The following GNPDA1 variants were observed in gnomAD, a reference collection of about 807,000 sequenced individuals.
GNPDA1 encodes the protein glucosamine-6-phosphate deaminase 1.
Under a neutral mutation model 28.5 loss-of-function variants are expected in GNPDA1, and 24 were observed. The observed-to-expected ratio is 0.84, with a 90% confidence interval of 0.61 to 1.19. The LOEUF (loss-of-function observed/expected upper bound fraction) is 1.19. Ranked by LOEUF, GNPDA1 falls within the 50% of genes most tolerant of loss-of-function variation. GNPDA1 has a pLI of 0.00. For synonymous variants in GNPDA1, 147 were observed against 139.3 expected, an observed-to-expected ratio of 1.06 and a Z score of -0.39; for missense variants, 264 against 367.3, an observed-to-expected ratio of 0.72 and a Z score of 2.30.
chr5:142,006,021 C>T (rs1596735530), intron 4 of GNPDA1, 123 bp downstream of exon 4: 2 of 759,150 alleles, frequency 2.6e-6, no homozygotes, highest in East Asian at 5.1e-5. Context: ...CCCATTTCTC[C>T]CGCCTCTGTC....
rs114348941 is a variant in GNPDA1, at chr5:142,005,630, A to G, written c.409+514T>C. On this transcript the variant is annotated intron_variant, in intron 4 of 6. Transcript: ENST00000311337. ...TAGAAGAGTGATCTCTAGAGCAATA[A>G]AAGGCAGTTCAATGTTACCCCTCAT... 3.5e-3 allele frequency among the ~76,000 whole-genome samples: 528 copies of G among 152,220 alleles called. 2 individuals are homozygous for G. The highest frequency in any genetic ancestry group is 0.012 in the African/African-American group (500 of 41,522).
Position 142,011,989 on chromosome 5 carries a change from G to T in GNPDA1, c.47C>A (p.Ala16Glu). The T allele has an allele frequency of 6.2e-7, 1 of 1,612,326 alleles. No individual in the cohort carries two copies. Among genetic ancestry groups the T allele is most frequent in the African/African-American group, 1.3e-5 (1 of 74,988 alleles). ...LEHYSQASEW[A>E]AKYIRNRIIQ... is the part of the protein sequence containing the mutation. ...GATGCGGTTCCTGATGTATTTAGCC[G>T]CCCACTCGCTCGCCTGAGAATAGTG... Residue 16 changes from alanine (A) to glutamate (E), a missense_variant, in exon 2 of 7, where the codon GCG becomes GAG. Physicochemically the swap from Ala to Glu is moderately radical, Grantham distance 107. Coordinates refer to ENST00000311337, the MANE Select transcript of GNPDA1 (RefSeq NM_005471.5).
At position 142,001,179 on chromosome 5, in the gene GNPDA1, G is replaced by A. The variant is rs1444156209; in HGVS notation, c.*850C>T. 1.3e-5 allele frequency: 2 copies of A among 152,332 alleles called. No individual in the cohort carries two copies. Among genetic ancestry groups the A allele is most frequent in the Non-Finnish European group, 2.9e-5 (2 of 68,058 alleles). The allele number at this position is 152,332 out of a possible 1,614,324, so 9.4% of individuals were successfully genotyped here. A position where few individuals can be genotyped will look rare whatever the true frequency, so the allele number is the denominator to read the frequency against. On this transcript the variant is annotated 3_prime_UTR_variant, in exon 7 of 7. Transcript: ENST00000311337. ...AGCTGCCTGCCCAGACCGTCCCCTT[G>A]GCTGAACACAACACTGAAATTGTGG...
rs529977171 is a variant in GNPDA1 at position 142,006,378 on chromosome 5, TC to T, written c.227-53del. ...TGCCTAGGCCAAGCCAAAGCCCCTC[TC>T]CTAAGAAGGATGCCAGGACACCATG... On this transcript the variant is annotated intron_variant, in intron 3 of 6. Transcript: ENST00000311337. The T allele has an allele frequency of 8.8e-3, 12,138 of 1,377,150 alleles. 88 individuals are homozygous for T. The highest frequency in any genetic ancestry group is 0.011 in the Non-Finnish European group (10,994 of 978,636). 85.3% of individuals were successfully genotyped at this position (1,377,150 alleles called of 1,614,324 possible). A position where few individuals can be genotyped will look rare whatever the true frequency, so the allele number is the denominator to read the frequency against.
chr5:142,004,903 G>T (rs368357115), intron 5 of GNPDA1, 29 bp downstream of exon 5: 30 of 1,471,716 alleles, frequency 2.0e-5, no homozygotes, highest in Non-Finnish European at 2.5e-5. Flanking sequence ...GTCCACCAGC[G>T]CAAGCTGGTG....
chr5:142,007,786 GAGAA>G lies in GNPDA1; in HGVS notation c.226+9_226+12del. 2.0e-6 allele frequency: 3 copies of G among 1,483,310 alleles called. No homozygotes were observed. The highest frequency in any genetic ancestry group is 1.4e-5 in the African/African-American group (1 of 72,454). The allele number at this position is 1,483,310 out of a possible 1,614,324, so 91.9% of individuals were successfully genotyped here. On this transcript the variant is annotated intron_variant, in intron 3 of 6. Coordinates refer to ENST00000311337, the MANE Select transcript of GNPDA1 (RefSeq NM_005471.5). ...CTAGAATCAGGAAAGAACCTTGAAA[GAGAA>G]AGACTCACCCACGTACTCATCCATG...
rs781182628 is a variant in GNPDA1, at chr5:142,007,878, G to A, written c.147C>T (p.Tyr49=). The change falls in exon 3 of 7, where the codon TAC becomes TAT. Residue 49 remains tyrosine (Y), a synonymous_variant. Coordinates refer to ENST00000311337, the MANE Select transcript of GNPDA1 (RefSeq NM_005471.5). Reference sequence around the variant, plus strand: ...TCTTATAGTATTCAATCAGCTTCTTGTAGCAGCCAAGTGGGGTACTCCCTG... The same window carrying A: ...TCTTATAGTATTCAATCAGCTTCTTATAGCAGCCAAGTGGGGTACTCCCTG... ...LPTGSTPLGC[Y]KKLIEYYKNG... is the part of the protein sequence containing the mutation. The A allele has an allele frequency of 2.5e-6, 4 of 1,611,512 alleles. No homozygotes were observed. Among genetic ancestry groups the A allele is most frequent in the Middle Eastern group, 1.7e-4 (1 of 6,058 alleles).
Position 142,003,317 on chromosome 5 carries a change from C to A in GNPDA1, c.595-55G>T. 1 of 1,199,904 alleles carries A rather than the reference C, an allele frequency of 8.3e-7. No individual in the cohort carries two copies. Among genetic ancestry groups the A allele is most frequent in the Non-Finnish European group, 1.2e-6 (1 of 823,362 alleles). The allele number at this position is 1,199,904 out of a possible 1,614,324, so 74.3% of individuals were successfully genotyped here. On this transcript the variant is annotated intron_variant, in intron 5 of 6. Coordinates refer to ENST00000311337, the MANE Select transcript of GNPDA1 (RefSeq NM_005471.5). This position sits in a 1 kb window ranked among gnomAD's most constrained non-coding sequence, Gnocchi z 4.0. ...AGGGGAGCATTCCAGACACCCTAAA[C>A]AGTTGTAAGGATGATTGTTTTTCAT...
chr5:142,004,956 C>A lies in GNPDA1; in HGVS notation c.570G>T (p.Val190=). Reference sequence around the variant, plus strand: ...CCTCTCTAGCATCCATGACAGTGCCCACCCCCACCGTCAAGGCCATGGTGG... The same window carrying A: ...CCTCTCTAGCATCCATGACAGTGCCAACCCCCACCGTCAAGGCCATGGTGG... The part of the protein sequence containing the change: ...KVPTMALTVG[V]GTVMDAREVM... Residue 190 remains valine (V), a synonymous_variant, in exon 5 of 7, where the codon GTG becomes GTT. Coordinates refer to ENST00000311337, the MANE Select transcript of GNPDA1 (RefSeq NM_005471.5). 1 of 1,608,202 alleles carries A rather than the reference C, an allele frequency of 6.2e-7. No homozygotes were observed. Among genetic ancestry groups the A allele is most frequent in the Middle Eastern group, 1.7e-4 (1 of 6,042 alleles).
At chr5:142,012,255 G>C in intron 1 of GNPDA1, 1 of 428,162 alleles carries the variant, frequency 2.3e-6, no homozygotes, top group Non-Finnish European at 4.3e-6. Flanking sequence ...ACTGGGGGCA[G>C]ATCTGGGTTC....
chr5:142,011,234 CA>C (rs35952167), intron 2 of GNPDA1, among the ~76,000 whole-genome samples: 58,760 of 115,416 alleles, frequency 0.51, 12,254 homozygotes, highest in African/African-American at 0.55. Context: ...CAAGGAAGAC[CA>C]AAAAAAAAAA....
intron 2 of GNPDA1, among the ~76,000 whole-genome samples, chr5:142,009,009 A>G (rs1755874067): frequency 6.6e-6 from 1 of 152,150 alleles, no homozygotes; most frequent in African/African-American, 2.4e-5. Flanking sequence ...GGATTTAGAG[A>G]TAAGTGTCAG....
intron 2 of GNPDA1, among the ~76,000 whole-genome samples, chr5:142,010,835 G>GT (rs528542810): frequency 2.0e-4 from 30 of 148,496 alleles, no homozygotes; most frequent in East Asian, 5.9e-4. Context: ...TTTTTAAATA[G>GT]TTTTTTTTTT....
Position 142,002,079 on chromosome 5 carries a change from C to T in GNPDA1, c.820G>A (p.Glu274Lys), listed in dbSNP as rs1317141181. Residue 274 changes from glutamate (E) to lysine (K), a missense_variant, in exon 7 of 7, where the codon GAG (glutamate) becomes AAG (lysine). Coordinates refer to ENST00000311337, the MANE Select transcript of GNPDA1 (RefSeq NM_005471.5). ...KLVDPLYSIK[E>K]KETEKSQSSK... Reference sequence around the variant, plus strand: ...GATTGGCTTTTCTCAGTTTCTTTCTCTTTGATACTGTACAAGGGGTCCACC... The same window carrying T: ...GATTGGCTTTTCTCAGTTTCTTTCTTTTTGATACTGTACAAGGGGTCCACC... 6.2e-7 allele frequency: 1 copy of T among 1,607,360 alleles called. No individual in the cohort carries two copies. The highest frequency in any genetic ancestry group is 8.5e-7 in the Non-Finnish European group (1 of 1,174,178).
chr5:142,004,894 TCCACCA>T, intron 5 of GNPDA1, 32 bp downstream of exon 5: 1 of 1,375,472 alleles, frequency 7.3e-7, no homozygotes, highest in Non-Finnish European at 1.0e-6. Context: ...GAAAGACAAG[TCCACCA>T]GCGCAAGCTG....
At chr5:142,010,517 T>TCTTTCTTTCTTTC (rs769248633) in intron 2 of GNPDA1, among the ~76,000 whole-genome samples, 5 of 148,702 alleles carry the variant, frequency 3.4e-5, no homozygotes, top group Non-Finnish European at 3.0e-5. Context: ...CTTTCTTTTT[T>TCTTTCTTTCTTTC]TTTTTTTTTT....
Position 142,001,951 on chromosome 5 carries a change from C to A in GNPDA1, c.*78G>T. ...GTAACCATACTAGATTAAAGAAATA[C>A]AATTCTTTCTTCTAAAGACAATTTC... On this transcript the variant is annotated 3_prime_UTR_variant, in exon 7 of 7. Coordinates refer to ENST00000311337, the MANE Select transcript of GNPDA1 (RefSeq NM_005471.5). 2.6e-6 allele frequency: 2 copies of A among 758,340 alleles called. No homozygotes were observed. Among genetic ancestry groups the A allele is most frequent in the South Asian group, 1.7e-5 (1 of 59,834 alleles). The allele number at this position is 758,340 out of a possible 1,614,324, so 47.0% of individuals were successfully genotyped here.
rs765627127 is a variant in GNPDA1, at chr5:142,006,345, C to G, written c.227-19G>C. 4 of 1,597,732 alleles carry G rather than the reference C, an allele frequency of 2.5e-6. No homozygotes were observed. The East Asian group carries it at 8.9e-5, about 36-fold the overall frequency. ...GGAAGGCCTGTGGGGCCGTGAGACACTCGGTTATGCCTAGGCCAAGCCAAA... is the reference window on the plus strand; with the variant it reads ...GGAAGGCCTGTGGGGCCGTGAGACAGTCGGTTATGCCTAGGCCAAGCCAAA... On this transcript the variant is annotated intron_variant, in intron 3 of 6. Transcript: ENST00000311337.
intron 2 of GNPDA1, among the ~76,000 whole-genome samples, chr5:142,011,275 C>T (rs1755947539): frequency 1.2e-5 from 1 of 82,924 alleles, no homozygotes; most frequent in Admixed American, 1.1e-4. Flanking sequence ...GTTTGAAGAC[C>T]CCTCCAACAC....
Sources: allele counts gnomAD v4.1 joint callset (sites outside exome capture counted in the v4.1 genomes callset), GRCh38; gene constraint gnomAD v4.1.1; non-coding constraint Gnocchi (gnomAD v3.1); transcripts MANE v1.5; gene names NCBI Gene and HGNC (gene_info 2026-07-23, HGNC 2026-07-21).